Variants in PC observed in about 807,000 individuals in gnomAD.
PC encodes the protein pyruvate carboxylase.
Under a neutral mutation model 107.8 loss-of-function variants are expected in PC, and 46 were observed. The ratio of observed to expected loss-of-function variants is 0.43; its 90% CI spans 0.34 to 0.55. The LOEUF (loss-of-function observed/expected upper bound fraction) is 0.55, where lower values mean the gene tolerates loss of function less well. Among genes scored for constraint, PC ranks in the 20% least tolerant of loss-of-function variants. The probability of loss-of-function intolerance (pLI) is 0.04; values close to 1 mark genes in which losing one functional copy is unlikely to be tolerated. For missense variants in PC, 1,241 were observed against 1,643.1 expected, an observed-to-expected ratio of 0.76 and a Z score of 4.23; for synonymous variants, 662 against 684.7, an observed-to-expected ratio of 0.97 and a Z score of 0.52.
intron 3 of PC, among the ~76,000 whole-genome samples, chr11:66,885,217 G>C (rs564188349): frequency 1.3e-5 from 2 of 152,140 alleles, no homozygotes; most frequent in African/African-American, 2.4e-5. Flanking sequence ...GGCCAGGCGC[G>C]ATGGCTCACG....
chr11:66,949,550 A>C (rs1412907352), intron 3 of PC, among the ~76,000 whole-genome samples: 1 of 151,916 alleles, frequency 6.6e-6, no homozygotes, highest in Admixed American at 6.6e-5. Flanking sequence ...CAAATTAGCC[A>C]GCATGGTGGC....
At position 66,943,192 on chromosome 11, in the gene PC, A is replaced by G. The variant is rs530448656; in HGVS notation, c.-1+9238T>C. Among the ~76,000 whole-genome samples the G allele has an allele frequency of 1.1e-3, 170 of 152,072 alleles. 2 individuals carry two copies. Among genetic ancestry groups the G allele is most frequent in the Non-Finnish European group, 1.8e-4 (12 of 67,968 alleles). Reference sequence around the variant, plus strand: ...TGAGTAGGATTAGCATCCTAATAAAAGAGGTCGAGCTGGCCATGGTGGCTG... The same window carrying G: ...TGAGTAGGATTAGCATCCTAATAAAGGAGGTCGAGCTGGCCATGGTGGCTG... On this transcript the variant is annotated intron_variant, in intron 3 of 22. Coordinates refer to ENST00000393960, the MANE Select transcript of PC (RefSeq NM_001040716.2).
intron 11 of PC, among the ~76,000 whole-genome samples, chr11:66,865,420 G>T (rs1219592295): frequency 6.6e-6 from 1 of 152,264 alleles, no homozygotes; most frequent in Admixed American, 6.5e-5. Context: ...CTGGCACGGT[G>T]CTGGCAGCAC....
chr11:66,881,054 G>A (rs1007643684), intron 3 of PC, among the ~76,000 whole-genome samples: 8 of 152,200 alleles, frequency 5.3e-5, no homozygotes, highest in African/African-American at 1.7e-4. Flanking sequence ...TACACGCCTC[G>A]GGGGATGCCA....
At chr11:66,934,192 A>T (rs2136117470) in intron 3 of PC, among the ~76,000 whole-genome samples, 1 of 152,216 alleles carries the variant, frequency 6.6e-6, no homozygotes, top group African/African-American at 2.4e-5. Flanking sequence ...CACCTGAGAG[A>T]GTCCCCTCAT....
At chr11:66,884,705 G>A (rs539427136) in intron 3 of PC, among the ~76,000 whole-genome samples, 1 of 152,300 alleles carries the variant, frequency 6.6e-6, no homozygotes, top group East Asian at 1.9e-4. Flanking sequence ...CTCCATAACT[G>A]TGAGAAATAA....
At position 66,871,984 on chromosome 11, in the gene PC, C is replaced by T. The variant is rs769685848; in HGVS notation, c.136+40G>A. ...TGGGAGAAGAATGCCAAGGCTGGGGCGGCCATGAGGCTCCTCTCACCGGCC... is the reference window on the plus strand; with the variant it reads ...TGGGAGAAGAATGCCAAGGCTGGGGTGGCCATGAGGCTCCTCTCACCGGCC... On this transcript the variant is annotated intron_variant, in intron 4 of 22. Coordinates refer to ENST00000393960, the MANE Select transcript of PC (RefSeq NM_001040716.2). The surrounding 1 kb of genome is among the most constrained non-coding windows in gnomAD (Gnocchi z 7.4). The T allele has an allele frequency of 2.7e-5, 42 of 1,557,628 alleles. No homozygotes were observed. The highest frequency in any genetic ancestry group is 1.8e-4 in the South Asian group (15 of 84,742).
intron 3 of PC, among the ~76,000 whole-genome samples, chr11:66,873,915 G>A (rs112679598): frequency 0.021 from 3,169 of 151,316 alleles, 103 homozygotes; most frequent in African/African-American, 0.072. Flanking sequence ...TTATAGGCAT[G>A]CACCACCATG....
At chr11:66,864,879 G>T (rs1428315773) in intron 11 of PC, among the ~76,000 whole-genome samples, 1 of 152,186 alleles carries the variant, frequency 6.6e-6, no homozygotes, top group Non-Finnish European at 1.5e-5. Context: ...GGAGTGGGGG[G>T]ACCGCCCAGA....
chr11:66,872,516 G>A (rs1275286155), intron 3 of PC, among the ~76,000 whole-genome samples: 2 of 151,734 alleles, frequency 1.3e-5, no homozygotes, highest in African/African-American at 2.4e-5. Context: ...ACTTTTAAAA[G>A]TATCAGGTTG....
Position 66,848,811 on chromosome 11 carries a change from C to T in PC, c.*88G>A, listed in dbSNP as rs1945295941. 10 of 1,575,072 alleles carry T rather than the reference C, an allele frequency of 6.3e-6. No individual in the cohort carries two copies. The South Asian group carries it at 1.1e-4, about 18-fold the overall frequency. ...ACCTCCACGGCCCGGCCTTCCTGGC[C>T]TCGGGCACTGGCTGGCCTGGGCCTG... On this transcript the variant is annotated 3_prime_UTR_variant, in exon 23 of 23. Coordinates refer to ENST00000393960, the MANE Select transcript of PC (RefSeq NM_001040716.2).
Position 66,853,321 on chromosome 11 carries a change from G to A in PC, c.1431C>T (p.Asp477=), listed in dbSNP as rs746568602. The A allele has an allele frequency of 4.3e-6, 7 of 1,614,008 alleles. No homozygotes were observed. Residue 477 remains aspartate (D), a synonymous_variant, in exon 13 of 23, where the codon GAC becomes GAT. Coordinates refer to ENST00000393960, the MANE Select transcript of PC (RefSeq NM_001040716.2). The part of the protein sequence containing the change: ...NNQQFLAGTV[D]TQFIDENPEL... ...CTGGGTTCTCGTCGATGAACTGGGT[G>A]TCCACAGTGCCTGCCAGGAACTGCT... is the stretch of plus-strand genomic sequence containing the variant.
Position 66,872,071 on chromosome 11 carries a change from C to T in PC, c.89G>A (p.Arg30Gln), listed in dbSNP as rs199616332. Reference protein sequence around the residue: ...STAPAASPNVRRLEYKPIKKV... With the variant: ...STAPAASPNVQRLEYKPIKKV... Reference sequence around the variant, plus strand: ...CTTGATGGGCTTATACTCCAGGCGCCGGACATTTGGGGAGGCAGCGGGGGC... The same window carrying T: ...CTTGATGGGCTTATACTCCAGGCGCTGGACATTTGGGGAGGCAGCGGGGGC... The change falls in exon 4 of 23, where the codon CGG (arginine) becomes CAG (glutamine). Residue 30 changes from arginine to glutamine, a missense_variant. This residue lies in a region of PC where 1,143 missense variants were observed against 1,551.9 expected (regional missense o/e 0.74). Transcript: ENST00000393960. The T allele has an allele frequency of 2.0e-4, 307 of 1,566,094 alleles. 3 individuals carry two copies. Among genetic ancestry groups the T allele is most frequent in the South Asian group, 6.6e-4 (56 of 85,140 alleles).
chr11:66,865,220 C>CCCCCAGCCT (rs200030205), intron 11 of PC, among the ~76,000 whole-genome samples: 3,045 of 152,300 alleles, frequency 0.02, 103 homozygotes, highest in African/African-American at 0.069. Flanking sequence ...CTGGTCCCTA[C>CCCCCAGCCT]CCCCAGCCTC....
At chr11:66,957,260 G>T (rs1482711437) in intron 1 of PC, among the ~76,000 whole-genome samples, 1 of 152,224 alleles carries the variant, frequency 6.6e-6, no homozygotes, top group Non-Finnish European at 1.5e-5. Flanking sequence ...CTCTGAGCCT[G>T]TTTTCTCAGC....
chr11:66,916,841 C>T (rs941741623), intron 3 of PC, among the ~76,000 whole-genome samples: 7 of 151,920 alleles, frequency 4.6e-5, no homozygotes, highest in Admixed American at 4.6e-4. Context: ...ATAGTCTCAG[C>T]TACTCAGGAG....
chr11:66,894,255 C>CA (rs1213843069), intron 3 of PC, among the ~76,000 whole-genome samples: 1 of 152,150 alleles, frequency 6.6e-6, no homozygotes, highest in Non-Finnish European at 1.5e-5. Flanking sequence ...CTTGTCCCCC[C>CA]ATGCCCCAGC....
At chr11:66,942,027 G>A (rs1431296821) in intron 3 of PC, among the ~76,000 whole-genome samples, 5 of 151,594 alleles carry the variant, frequency 3.3e-5, no homozygotes, top group East Asian at 2.0e-4. Context: ...GCTTGAACTC[G>A]GGAGGCAGAG....
chr11:66,863,644 T>C (rs1946369056), intron 12 of PC, 130 bp downstream of exon 12: 6 of 993,686 alleles, frequency 6.0e-6, no homozygotes, highest in South Asian at 1.6e-5. Context: ...GGAGAGCCAC[T>C]GACCTCGACC....
Sources: gnomAD v4.1 joint callset for allele counts (sites outside exome capture counted in the v4.1 genomes callset) on GRCh38, gnomAD v4.1.1 for gene constraint, gnomAD v4.1.1 regional missense constraint, Gnocchi (gnomAD v3.1) non-coding constraint, MANE v1.5 for transcripts, NCBI Gene and HGNC (gene_info 2026-07-23, HGNC 2026-07-21) for gene names.